SRBD1: variants seen among roughly 807,000 people sequenced by gnomAD.
SRBD1 encodes S1 RNA binding domain 1.
A neutral mutation model predicts 115.3 loss-of-function variants in SRBD1; 88 were observed. The ratio of observed to expected loss-of-function variants is 0.76; its 90% CI spans 0.64 to 0.91. The LOEUF (loss-of-function observed/expected upper bound fraction) is 0.91. Among genes scored for constraint, SRBD1 ranks in the 40% least tolerant of loss-of-function variants. SRBD1 has a pLI of 0.00. For synonymous variants in SRBD1, 509 were observed against 407.7 expected, an observed-to-expected ratio of 1.25 and a Z score of -2.99; for missense variants, 1,385 against 1,177.4, an observed-to-expected ratio of 1.18 and a Z score of -2.58.
At chr2:45,541,612 C>T (rs902107233) in intron 14 of SRBD1, among the ~76,000 whole-genome samples, 2 of 152,368 alleles carry the variant, frequency 1.3e-5, no homozygotes, top group East Asian at 1.9e-4. Context: ...CAATGAGTGT[C>T]TAGCTCTCAG....
At chr2:45,400,183 C>T (rs1371598811) in intron 19 of SRBD1, among the ~76,000 whole-genome samples, 1 of 152,016 alleles carries the variant, frequency 6.6e-6, no homozygotes, top group Non-Finnish European at 1.5e-5. Flanking sequence ...CAACTGAGGT[C>T]AAAGTAACTC....
Position 45,585,783 on chromosome 2 carries a change from TAA to T in SRBD1, c.649-11_649-10del, listed in dbSNP as rs1381577092. 1 of 1,580,338 alleles carries T rather than the reference TAA, an allele frequency of 6.3e-7. No individual in the cohort carries two copies. The highest frequency in any genetic ancestry group is 8.5e-7 in the Non-Finnish European group (1 of 1,170,348). ...GTTCTCTCAGATAAAACCTGCAAAT[TAA>T]AGATACTTAGTGATTTAAAATGCTG... On this transcript the variant is annotated splice_polypyrimidine_tract_variant and intron_variant, in intron 4 of 20. Transcript: ENST00000263736.
intron 6 of SRBD1, among the ~76,000 whole-genome samples, chr2:45,580,511 A>ATTTTTTTTT (rs1227093467): frequency 7.0e-5 from 6 of 85,772 alleles, no homozygotes; most frequent in South Asian, 3.8e-4. Flanking sequence ...ACGTCCAGCT[A>ATTTTTTTTT]TTTTTTTTTT....
intron 16 of SRBD1, among the ~76,000 whole-genome samples, chr2:45,463,857 T>TA (rs1339257051): frequency 6.6e-6 from 1 of 152,122 alleles, no homozygotes; most frequent in African/African-American, 2.4e-5. Flanking sequence ...AAAACTCCCT[T>TA]AGGGCTCTGT....
At chr2:45,469,127 T>A (rs1240922571) in intron 16 of SRBD1, among the ~76,000 whole-genome samples, 1 of 152,200 alleles carries the variant, frequency 6.6e-6, no homozygotes, top group Non-Finnish European at 1.5e-5. Context: ...TTATGTGTTG[T>A]AAATATAATA....
intron 7 of SRBD1, 107 bp from the exon 8 acceptor site, chr2:45,574,830 A>G (rs958616131): frequency 2.1e-6 from 2 of 939,626 alleles, no homozygotes; most frequent in African/African-American, 3.3e-5. Context: ...TAAAACCTTA[A>G]GTTGACAGTC....
chr2:45,579,382 T>G (rs961503128), intron 7 of SRBD1, among the ~76,000 whole-genome samples: 5 of 152,180 alleles, frequency 3.3e-5, no homozygotes, highest in African/African-American at 1.2e-4. Flanking sequence ...TATTTATGAC[T>G]TTTGCAAGTA....
intron 19 of SRBD1, among the ~76,000 whole-genome samples, chr2:45,406,356 A>G (rs1667436974): frequency 1.3e-5 from 2 of 152,204 alleles, no homozygotes; most frequent in Non-Finnish European, 2.9e-5. Context: ...TGAATGTCAG[A>G]AGACACTGAA....
At chr2:45,562,289 G>A (rs892699475) in intron 10 of SRBD1, among the ~76,000 whole-genome samples, 10 of 152,068 alleles carry the variant, frequency 6.6e-5, no homozygotes, top group Admixed American at 5.9e-4. Flanking sequence ...GTGCAGTGGT[G>A]TGATCTCGGC....
chr2:45,534,419 T>C (rs908408388), intron 14 of SRBD1, among the ~76,000 whole-genome samples: 3 of 151,774 alleles, frequency 2.0e-5, no homozygotes, highest in Non-Finnish European at 4.4e-5. Context: ...TGAATATCAA[T>C]AAAGAAAAGG....
intron 16 of SRBD1, among the ~76,000 whole-genome samples, chr2:45,440,882 T>C (rs1359163242): frequency 6.6e-6 from 1 of 152,128 alleles, no homozygotes; most frequent in Non-Finnish European, 1.5e-5. Context: ...TTGACAGCCA[T>C]GTTTAAATTA....
intron 9 of SRBD1, among the ~76,000 whole-genome samples, chr2:45,569,937 G>C (rs1672957405): frequency 6.6e-6 from 1 of 152,252 alleles, no homozygotes; most frequent in Admixed American, 6.5e-5. Flanking sequence ...TAAGAACTCA[G>C]AGAATATTGT....
At chr2:45,536,033 G>A (rs976308326) in intron 14 of SRBD1, among the ~76,000 whole-genome samples, 1 of 151,956 alleles carries the variant, frequency 6.6e-6, no homozygotes, top group Non-Finnish European at 1.5e-5. Flanking sequence ...ACACCTGGCA[G>A]GGAGTATGCA....
At chr2:45,594,416 T>C (rs1427371198) in intron 4 of SRBD1, among the ~76,000 whole-genome samples, 1 of 152,206 alleles carries the variant, frequency 6.6e-6, no homozygotes. Flanking sequence ...ACAACCACCT[T>C]TGGAGCAGTT....
Position 45,571,374 on chromosome 2 carries a change from A to G in SRBD1, c.1305+1833T>C, listed in dbSNP as rs146433491. On this transcript the variant is annotated intron_variant, in intron 9 of 20. Transcript: ENST00000263736. ...AAGGGAGACCTCAGTGGCCACACAT[A>G]GCAAACAAAATTTACAAAAATACTT... Among the ~76,000 whole-genome samples the G allele has an allele frequency of 1.3e-4, 20 of 148,400 alleles. No homozygotes were observed. The East Asian group carries it at 3.7e-3, about 28-fold the overall frequency.
chr2:45,425,891 G>A (rs1249814751), intron 16 of SRBD1, among the ~76,000 whole-genome samples: 1 of 152,104 alleles, frequency 6.6e-6, no homozygotes, highest in Non-Finnish European at 1.5e-5. Flanking sequence ...CACCATCAGG[G>A]CCCTGGGTTT....
chr2:45,420,024 A>G (rs1667950392), intron 16 of SRBD1, 130 bp from the exon 17 acceptor site: 3 of 779,412 alleles, frequency 3.8e-6, no homozygotes, highest in African/African-American at 3.4e-5. Flanking sequence ...TCTTAGACAC[A>G]CTGTTAGCAG....
intron 14 of SRBD1, among the ~76,000 whole-genome samples, chr2:45,544,528 T>C (rs1461053271): frequency 6.6e-6 from 1 of 151,734 alleles, no homozygotes; most frequent in Non-Finnish European, 1.5e-5. Flanking sequence ...ACAGCACCTA[T>C]GGTGAGGCTC....
At chr2:45,529,744 T>C (rs1049679996) in intron 14 of SRBD1, among the ~76,000 whole-genome samples, 1 of 152,008 alleles carries the variant, frequency 6.6e-6, no homozygotes, top group Non-Finnish European at 1.5e-5. Flanking sequence ...TCCTCTTGTA[T>C]AATCAGTGAA....
Sources: allele counts gnomAD v4.1 joint callset (sites outside exome capture counted in the v4.1 genomes callset), GRCh38; gene constraint gnomAD v4.1.1; transcripts MANE v1.5; gene names NCBI Gene and HGNC (gene_info 2026-07-23, HGNC 2026-07-21).